GABRA3: variants seen among roughly 807,000 people sequenced by gnomAD.
GABRA3 encodes gamma-aminobutyric acid receptor subunit alpha-3.
GABRA3 carries 10 observed loss-of-function variants against 30.1 expected under a neutral mutation model. That is an observed-to-expected ratio of 0.33 (90% confidence interval 0.20 to 0.56). GABRA3 has a LOEUF of 0.56. GABRA3 is among the 20% of genes least tolerant of loss of function. The pLI is 0.89. For missense variants in GABRA3, 233 were observed against 392.0 expected (o/e 0.59, Z 3.42); for synonymous variants, 151 against 146.8 (o/e 1.03, Z -0.21).
In GABRA3 at chrX:152,357,928, G is replaced by A. The variant is rs986811924; in HGVS notation, c.140+6503C>T. Among the ~76,000 whole-genome samples, 6 of 110,886 alleles carry A rather than the reference G, an allele frequency of 5.4e-5. No individual in the cohort carries two copies. The East Asian group carries it at 1.1e-3, about 21-fold the overall frequency. On this transcript the variant is annotated intron_variant, in intron 2 of 9. Coordinates refer to ENST00000370314, the MANE Select transcript of GABRA3 (RefSeq NM_000808.4). The stretch of plus-strand genomic sequence containing the variant: ...TGGTCTAGGTGTCTATTTCTGTACC[G>A]GTACCATGCTGTTTTGGTTACTACA...
intron 1 of GABRA3, among the ~76,000 whole-genome samples, chrX:152,383,308 G>A (rs1248670315): frequency 4.0e-5 from 4 of 99,301 alleles, no homozygotes; most frequent in African/African-American, 1.5e-4. Flanking sequence ...AGAATGATAC[G>A]AACCTGGGAG....
chrX:152,248,326 G>A (rs1227710010), intron 5 of GABRA3, among the ~76,000 whole-genome samples: 3 of 110,998 alleles, frequency 2.7e-5, no homozygotes, highest in African/African-American at 9.8e-5. Flanking sequence ...TTAAAGTAAC[G>A]TCAGTAGACA....
intron 1 of GABRA3, among the ~76,000 whole-genome samples, chrX:152,438,030 T>G (rs929019176): frequency 8.9e-6 from 1 of 112,028 alleles, no homozygotes; most frequent in African/African-American, 3.2e-5. Context: ...TGAAAATACA[T>G]GCCATAGACT....
At chrX:152,296,469 T>C (rs923222054) in intron 3 of GABRA3, among the ~76,000 whole-genome samples, 1 of 111,745 alleles carries the variant, frequency 8.9e-6, no homozygotes, top group Admixed American at 9.5e-5. Context: ...CATAAACAGG[T>C]TGCTTACGGA....
At chrX:152,244,587 T>TA (rs1938432380) in intron 5 of GABRA3, among the ~76,000 whole-genome samples, 1 of 111,643 alleles carries the variant, frequency 9.0e-6, no homozygotes, top group African/African-American at 3.3e-5. Context: ...TTCTGTTGTT[T>TA]ATAAATTACC....
chrX:152,323,728 CA>C (rs1481474967), intron 3 of GABRA3, among the ~76,000 whole-genome samples: 2 of 111,834 alleles, frequency 1.8e-5, no homozygotes, highest in Non-Finnish European at 3.8e-5. Context: ...ATATTAACAC[CA>C]ACCTTTTCTC....
At chrX:152,395,358 C>T (rs1303168690) in intron 1 of GABRA3, among the ~76,000 whole-genome samples, 3 of 111,505 alleles carry the variant, frequency 2.7e-5, no homozygotes, top group African/African-American at 9.8e-5. Context: ...TCATTCTCCA[C>T]ACAGAAGGAG....
chrX:152,193,684 A>T (rs1937350820), intron 8 of GABRA3, among the ~76,000 whole-genome samples: 1 of 112,590 alleles, frequency 8.9e-6, no homozygotes, highest in Non-Finnish European at 1.9e-5. Flanking sequence ...TGCATCCTTG[A>T]CTTAAGAAAT....
intron 1 of GABRA3, among the ~76,000 whole-genome samples, chrX:152,421,796 G>C (rs924253352): frequency 9.0e-6 from 1 of 111,714 alleles, no homozygotes; most frequent in Non-Finnish European, 1.9e-5. Flanking sequence ...ATGAAATTAT[G>C]ATCAATCTCA....
intron 7 of GABRA3, among the ~76,000 whole-genome samples, chrX:152,200,916 T>C (rs910086548): frequency 1.2e-4 from 13 of 112,156 alleles, no homozygotes; most frequent in Middle Eastern, 4.6e-3. Context: ...TGTCTTGTTG[T>C]CTGTCTTCTG....
intron 9 of GABRA3, among the ~76,000 whole-genome samples, chrX:152,182,536 T>C (rs1331936632): frequency 2.5e-5 from 2 of 80,983 alleles, no homozygotes; most frequent in Non-Finnish European, 4.6e-5. Flanking sequence ...TATATATGCA[T>C]ATATAGTGTA....
intron 4 of GABRA3, among the ~76,000 whole-genome samples, chrX:152,283,763 C>T (rs1468324165): frequency 8.9e-6 from 1 of 111,874 alleles, no homozygotes; most frequent in African/African-American, 3.2e-5. Flanking sequence ...AGTAGTAGTC[C>T]CACTGAAAAT....
chrX:152,437,215 T>A (rs1239903988), intron 1 of GABRA3, among the ~76,000 whole-genome samples: 1 of 112,132 alleles, frequency 8.9e-6, no homozygotes, highest in Non-Finnish European at 1.9e-5. Context: ...CATTCCTATA[T>A]ACTAGCAATG....
intron 2 of GABRA3, among the ~76,000 whole-genome samples, chrX:152,351,202 C>G (rs1940474335): frequency 8.9e-6 from 1 of 112,168 alleles, no homozygotes; most frequent in Non-Finnish European, 1.9e-5. Context: ...GAGTCAGCCA[C>G]TGCTTTGAAG....
rs897403237 is a variant in GABRA3 at position 152,277,892 on chromosome X, C to T, written c.330+6776G>A. Among the ~76,000 whole-genome samples the T allele has an allele frequency of 3.6e-5, 4 of 111,548 alleles. No individual in the cohort carries two copies. In the South Asian group the frequency reaches 1.1e-3, roughly 32 times the overall value. ...TGTTCGATGTGTCAAAGCAGGCTCC[C>T]AGATAAAGCCTGCAAAGTTTATTCA... On this transcript the variant is annotated intron_variant, in intron 4 of 9. Transcript: ENST00000370314.
chrX:152,338,153 T>C (rs1293095596), intron 3 of GABRA3, among the ~76,000 whole-genome samples: 1 of 112,089 alleles, frequency 8.9e-6, no homozygotes, highest in Non-Finnish European at 1.9e-5. Flanking sequence ...CACTCAACAG[T>C]GCCCAAGGGC....
intron 3 of GABRA3, among the ~76,000 whole-genome samples, chrX:152,287,674 G>C (rs767426449): frequency 9.0e-6 from 1 of 111,569 alleles, no homozygotes; most frequent in African/African-American, 3.3e-5. Flanking sequence ...AAGAGTTAAT[G>C]GGTAGGATGG....
At position 152,240,515 on chromosome X, in the gene GABRA3, G is replaced by T. The variant is rs1603222849; in HGVS notation, c.551+15263C>A. On this transcript the variant is annotated intron_variant, in intron 5 of 9. Coordinates refer to ENST00000370314, the MANE Select transcript of GABRA3 (RefSeq NM_000808.4). ...GAGGAGTATCTTTGTGGTGTTCTCT[G>T]TATTTCCTGAATCTGAACGTTGGCC... 1.5e-4 allele frequency among the ~76,000 whole-genome samples: 13 copies of T among 88,521 alleles called. 1 individual carries two copies. In the South Asian group the frequency reaches 6.8e-3, roughly 46 times the overall value. 76.9% of individuals were successfully genotyped at this position (88,521 alleles called of 115,157 possible).
At chrX:152,225,791 G>A (rs1023877524) in intron 5 of GABRA3, among the ~76,000 whole-genome samples, 5 of 109,615 alleles carry the variant, frequency 4.6e-5, no homozygotes, top group Non-Finnish European at 9.5e-5. Context: ...GAAGCTAGCC[G>A]TCATGAGCTA....
Sources: gnomAD v4.1 joint callset for allele counts (sites outside exome capture counted in the v4.1 genomes callset) on GRCh38, gnomAD v4.1.1 for gene constraint, MANE v1.5 for transcripts, NCBI Gene and HGNC (gene_info 2026-07-23, HGNC 2026-07-21) for gene names.